Variants in GNB1 observed in about 807,000 individuals in gnomAD.
GNB1 encodes G protein subunit beta 1.
Under a neutral mutation model 42.9 loss-of-function variants are expected in GNB1, and 2 were observed. The observed-to-expected ratio is 0.05, with a 90% CI of 0.02 to 0.15. The LOEUF is 0.15. GNB1 is among the 10% of genes least tolerant of loss of function. The probability of loss-of-function intolerance (pLI) is 1.00; values close to 1 mark genes in which losing one functional copy is unlikely to be tolerated. For missense variants in GNB1, 193 were observed against 462.2 expected (o/e 0.42, Z 5.34); for synonymous variants, 183 against 174.7 (o/e 1.05, Z -0.38).
At chr1:1,881,637 T>C (rs1197815706) in intron 1 of GNB1, among the ~76,000 whole-genome samples, 4 of 152,120 alleles carry the variant, frequency 2.6e-5, no homozygotes, top group Non-Finnish European at 4.4e-5. Context: ...TGACCTCAAG[T>C]GATCCGCCCG....
At chr1:1,831,943 T>C (rs560479103) in intron 2 of GNB1, among the ~76,000 whole-genome samples, 64 of 151,072 alleles carry the variant, frequency 4.2e-4, no homozygotes, top group South Asian at 4.2e-3. Flanking sequence ...ACGCCTGTAG[T>C]CCCAGCTACT....
In GNB1 at chr1:1,800,410, G is replaced by T. The variant is rs191471468; in HGVS notation, c.430+4009C>A. Among the ~76,000 whole-genome samples the T allele has an allele frequency of 8.7e-4, 132 of 152,332 alleles. 1 individual carries two copies. Among genetic ancestry groups the T allele is most frequent in the Admixed American group, 2.4e-3 (37 of 15,300 alleles). ...ATAAAGAACCTGCTGGATAGCCTTAGTTTATCAGAGGTAACAAGTACATGA... is the reference window on the plus strand; with the variant it reads ...ATAAAGAACCTGCTGGATAGCCTTATTTTATCAGAGGTAACAAGTACATGA... On this transcript the variant is annotated intron_variant, in intron 7 of 11. Transcript: ENST00000378609.
rs144473385 is a variant in GNB1, at chr1:1,815,782, G to A, written c.177C>T (p.Tyr59=). The A allele has an allele frequency of 6.7e-5, 108 of 1,601,318 alleles. No homozygotes were observed. Among genetic ancestry groups the A allele is most frequent in the Admixed American group, 1.3e-4 (8 of 59,968 alleles). ...TGGAGTCTGTGCCCCAGTGCATGGC[G>A]TAGATCTTGGCCAGGTGCCCCCGCA... is the stretch of plus-strand genomic sequence containing the variant. The part of the protein sequence containing the change: ...RTLRGHLAKI[Y]AMHWGTDSRL... Residue 59 remains tyrosine (Y), a synonymous_variant, in exon 5 of 12, where the codon TAC becomes TAT. Coordinates refer to ENST00000378609, the MANE Select transcript of GNB1 (RefSeq NM_002074.5).
Position 1,845,824 on chromosome 1 carries a change from T to C in GNB1, c.-95-6586A>G, listed in dbSNP as rs75304665. Among the ~76,000 whole-genome samples the C allele has an allele frequency of 4.5e-4, 63 of 140,328 alleles. 1 individual carries two copies. Among genetic ancestry groups the C allele is most frequent in the African/African-American group, 1.2e-3 (45 of 37,212 alleles). The allele number at this position is 140,328 out of a possible 152,430, so 92.1% of individuals were successfully genotyped here. A position where few individuals can be genotyped will look rare whatever the true frequency, so the allele number is the denominator to read the frequency against. On this transcript the variant is annotated intron_variant, in intron 1 of 11. Transcript: ENST00000378609. The stretch of plus-strand genomic sequence containing the variant: ...GTAGAATCATTTGTGTGTAAGTCCA[T>C]ACACACACACACACACACACACACA...
At chr1:1,884,091 G>A (rs1005515115) in intron 1 of GNB1, among the ~76,000 whole-genome samples, 2 of 149,628 alleles carry the variant, frequency 1.3e-5, no homozygotes, top group Non-Finnish European at 3.0e-5. Flanking sequence ...TCTGCCTCCC[G>A]AGTAGCTGAG....
chr1:1,850,775 G>A (rs943382586), intron 1 of GNB1, among the ~76,000 whole-genome samples: 3 of 151,928 alleles, frequency 2.0e-5, no homozygotes, highest in South Asian at 2.1e-4. Flanking sequence ...ACAAGAAATC[G>A]CTTTTTTGTG....
chr1:1,874,829 C>T (rs1451551431), intron 1 of GNB1, among the ~76,000 whole-genome samples: 2 of 151,776 alleles, frequency 1.3e-5, no homozygotes, highest in Non-Finnish European at 2.9e-5. Context: ...TCCTGAGCTT[C>T]GTTCTGTGAA....
intron 1 of GNB1, among the ~76,000 whole-genome samples, chr1:1,872,530 T>C (rs755951054): frequency 1.4e-4 from 22 of 152,208 alleles, no homozygotes; most frequent in Admixed American, 4.6e-4. Context: ...TGCTCCTGTG[T>C]GCTGAGCTTC....
intron 1 of GNB1, among the ~76,000 whole-genome samples, chr1:1,849,857 T>C (rs1176786522): frequency 1.3e-5 from 2 of 152,188 alleles, no homozygotes; most frequent in East Asian, 1.9e-4. Flanking sequence ...TGTCTTTTAC[T>C]AATGAAAAAA....
intron 1 of GNB1, among the ~76,000 whole-genome samples, chr1:1,870,996 T>C (rs1403627527): frequency 1.3e-5 from 2 of 152,148 alleles, no homozygotes. Flanking sequence ...CTCCAACTAC[T>C]GAGCTCCTTC....
Position 1,788,962 on chromosome 1 carries a change from A to C in GNB1, c.916+91T>G, listed in dbSNP as rs985025924. On this transcript the variant is annotated intron_variant, in intron 10 of 11. Transcript: ENST00000378609. ...CCATGCCACAGTCCCACCGATACTA[A>C]AACACTGCAGCTTATGCAACCACTC... 1.9e-5 allele frequency: 18 copies of C among 938,510 alleles called. No homozygotes were observed. In the African/African-American group the frequency reaches 2.8e-4, roughly 14 times the overall value. The allele number at this position is 938,510 out of a possible 1,614,324, so 58.1% of individuals were successfully genotyped here.
At chr1:1,873,974 C>T (rs1196261290) in intron 1 of GNB1, among the ~76,000 whole-genome samples, 2 of 152,214 alleles carry the variant, frequency 1.3e-5, no homozygotes, top group Admixed American at 6.5e-5. Flanking sequence ...CTAGGGGACT[C>T]AGCACTTTCA....
chr1:1,823,197 G>A (rs1313124139), intron 3 of GNB1, among the ~76,000 whole-genome samples: 2 of 146,806 alleles, frequency 1.4e-5, no homozygotes, highest in African/African-American at 2.5e-5. Flanking sequence ...AGCTGAGATC[G>A]CGCCACTGCA....
At chr1:1,817,745 A>G in intron 4 of GNB1, 92 bp downstream of exon 4, 1 of 830,280 alleles carries the variant, frequency 1.2e-6, no homozygotes, top group Non-Finnish European at 2.0e-6. Flanking sequence ...GCAACAGAGA[A>G]TGCAAGCAGA....
intron 3 of GNB1, among the ~76,000 whole-genome samples, chr1:1,821,978 G>GA (rs997497338): frequency 1.4e-4 from 22 of 151,920 alleles, no homozygotes; most frequent in Non-Finnish European, 2.2e-4. Flanking sequence ...CTACAAAATT[G>GA]AAAAAAACCA....
intron 2 of GNB1, among the ~76,000 whole-genome samples, chr1:1,837,934 G>C (rs1647174451): frequency 6.6e-6 from 1 of 151,976 alleles, no homozygotes; most frequent in African/African-American, 2.4e-5. Context: ...CAGGCGTGGT[G>C]GCTCACGCCT....
At chr1:1,827,057 T>C (rs1647008764) in intron 2 of GNB1, among the ~76,000 whole-genome samples, 1 of 152,204 alleles carries the variant, frequency 6.6e-6, no homozygotes, top group South Asian at 2.1e-4. Flanking sequence ...ATTATAACTT[T>C]TGTGTAAGTC....
chr1:1,834,707 T>C (rs1216457270), intron 2 of GNB1, among the ~76,000 whole-genome samples: 4 of 150,706 alleles, frequency 2.7e-5, no homozygotes, highest in Admixed American at 6.6e-5. Context: ...CTCACTCTGT[T>C]GCCCAGGCTG....
intron 8 of GNB1, among the ~76,000 whole-genome samples, chr1:1,792,158 T>G (rs1400816074): frequency 6.6e-6 from 1 of 151,988 alleles, no homozygotes; most frequent in Non-Finnish European, 1.5e-5. Flanking sequence ...AATGAAAAAA[T>G]TCTAGCATTT....
Sources: gnomAD v4.1 joint callset for allele counts (sites outside exome capture counted in the v4.1 genomes callset) on GRCh38, gnomAD v4.1.1 for gene constraint, MANE v1.5 for transcripts, NCBI Gene and HGNC (gene_info 2026-07-23, HGNC 2026-07-21) for gene names.